Variants in SEC31A observed in about 807,000 individuals in gnomAD.
SEC31A encodes the protein SEC31 homolog A, COPII component.
A neutral mutation model predicts 151.0 loss-of-function variants in SEC31A; 70 were observed. The observed-to-expected ratio is 0.46, with a 90% CI of 0.38 to 0.57. The LOEUF (loss-of-function observed/expected upper bound fraction) is 0.57. SEC31A is among the 20% of genes least tolerant of loss of function. SEC31A has a pLI of 0.00. For synonymous variants in SEC31A, 475 were observed against 505.9 expected (o/e 0.94, Z 0.82); for missense variants, 1,330 against 1,471.2 (o/e 0.90, Z 1.57).
chr4:82,833,769 G>A (rs1243022933), intron 22 of SEC31A, among the ~76,000 whole-genome samples: 2 of 152,064 alleles, frequency 1.3e-5, no homozygotes, highest in African/African-American at 4.8e-5. Flanking sequence ...TAATTGATGA[G>A]GGAGGGAGGA....
At chr4:82,853,494 A>C in intron 18 of SEC31A, 76 bp downstream of exon 18, 1 of 1,242,664 alleles carries the variant, frequency 8.0e-7, no homozygotes, top group Non-Finnish European at 1.1e-6. Context: ...AAATGAACTT[A>C]TAGATTATAA....
At chr4:82,874,329 T>C (rs901563276) in intron 6 of SEC31A, among the ~76,000 whole-genome samples, 6 of 152,040 alleles carry the variant, frequency 3.9e-5, no homozygotes, top group African/African-American at 1.4e-4. Flanking sequence ...GCTGCAATGT[T>C]TTAAAACAGC....
At chr4:82,871,289 T>A in intron 7 of SEC31A, 1 of 1,383,980 alleles carries the variant, frequency 7.2e-7, no homozygotes, top group East Asian at 2.7e-5. Flanking sequence ...TGTATAAAAA[T>A]TATATTGGGA....
intron 4 of SEC31A, among the ~76,000 whole-genome samples, chr4:82,878,328 T>C (rs528185747): frequency 3.8e-4 from 58 of 152,048 alleles, no homozygotes; most frequent in Middle Eastern, 3.4e-3. Context: ...ACCCCATCTC[T>C]ACTAAAAGTA....
At chr4:82,858,133 C>A (rs1359750861) in intron 14 of SEC31A, 3 of 173,142 alleles carry the variant, frequency 1.7e-5, no homozygotes, top group Non-Finnish European at 3.7e-5. Context: ...ACAAAACTAG[C>A]CGGGCATGGT....
chr4:82,879,017 T>C lies in SEC31A; in HGVS notation c.204-89A>G, dbSNP rs1047674697. 1.7e-5 allele frequency: 17 copies of C among 972,038 alleles called. 1 individual carries two copies. Among genetic ancestry groups the C allele is most frequent in the Non-Finnish European group, 1.6e-6 (1 of 642,358 alleles). The allele number at this position is 972,038 out of a possible 1,614,324, so 60.2% of individuals were successfully genotyped here. Reference sequence around the variant, plus strand: ...AAATTATACACTTAATTTTTAATGTTTTCATAAACAATCCAAATATATTAC... The same window carrying C: ...AAATTATACACTTAATTTTTAATGTCTTCATAAACAATCCAAATATATTAC... On this transcript the variant is annotated intron_variant, in intron 3 of 26. Coordinates refer to ENST00000395310, the MANE Select transcript of SEC31A (RefSeq NM_001077207.4).
At chr4:82,886,190 GAA>G (rs1740674802) in intron 1 of SEC31A, among the ~76,000 whole-genome samples, 1 of 152,180 alleles carries the variant, frequency 6.6e-6, no homozygotes, top group Admixed American at 6.5e-5. Flanking sequence ...TGATGAAACT[GAA>G]GAAATGCATT....
chr4:82,898,232 G>A (rs1331080441), intron 3 of SEC31A, among the ~76,000 whole-genome samples: 1 of 152,050 alleles, frequency 6.6e-6, no homozygotes, highest in Admixed American at 6.6e-5. Flanking sequence ...GAAGTTACTA[G>A]AAGAAGCAAT....
At chr4:82,838,710 A>C (rs73829991) in intron 22 of SEC31A, among the ~76,000 whole-genome samples, 12 of 152,376 alleles carry the variant, frequency 7.9e-5, no homozygotes, top group African/African-American at 2.6e-4. Flanking sequence ...CTTCACTAGA[A>C]ATGTATGGTC....
chr4:82,824,563 T>C lies in SEC31A; in HGVS notation c.3403A>G (p.Thr1135Ala), dbSNP rs538212768. 1 of 1,613,550 alleles carries C rather than the reference T, an allele frequency of 6.2e-7. No homozygotes were observed. The highest frequency in any genetic ancestry group is 1.3e-5 in the African/African-American group (1 of 75,020). Reference sequence around the variant, plus strand: ...AAAAAATAAATACATACAGGGTCTGTTGCTGAAGAAAGGCAGCGCTGAATA... The same window carrying C: ...AAAAAATAAATACATACAGGGTCTGCTGCTGAAGAAAGGCAGCGCTGAATA... Reference protein sequence around the residue: ...DLIQRCLSSATDPQTKRKLDD... With the variant: ...DLIQRCLSSAADPQTKRKLDD... The change falls in exon 25 of 27, where the codon ACA (threonine) becomes GCA (alanine). Residue 1135 changes from threonine to alanine, a missense_variant. Transcript: ENST00000395310.
chr4:82,863,363 T>A lies in SEC31A; in HGVS notation c.1464A>T (p.Lys488Asn), dbSNP rs777558535. Reference protein sequence around the residue: ...KVNFEDDSRGKYLELLGYRKE... With the variant: ...KVNFEDDSRGNYLELLGYRKE... ...TTCTGTATCCTAGAAGTTCAAGGTA[T>A]TTTCCACGAGAATCATCCTCAAAGT... The change falls in exon 12 of 27, where the codon AAA (lysine) becomes AAT (asparagine). Residue 488 changes from lysine to asparagine, a missense_variant. Physicochemically the swap from Lys to Asn is moderately conservative, Grantham distance 94 (BLOSUM62 0). Coordinates refer to ENST00000395310, the MANE Select transcript of SEC31A (RefSeq NM_001077207.4). 6 of 1,581,040 alleles carry A rather than the reference T, an allele frequency of 3.8e-6. No individual in the cohort carries two copies. Among genetic ancestry groups the A allele is most frequent in the Non-Finnish European group, 5.1e-6 (6 of 1,169,148 alleles).
intron 22 of SEC31A, among the ~76,000 whole-genome samples, chr4:82,829,993 T>C (rs1351180746): frequency 1.3e-5 from 2 of 152,240 alleles, no homozygotes; most frequent in Admixed American, 6.5e-5. Context: ...TGTATGTATA[T>C]ATGTAAAGAC....
At chr4:82,852,059 G>A (rs1341888530) in intron 18 of SEC31A, among the ~76,000 whole-genome samples, 1 of 152,162 alleles carries the variant, frequency 6.6e-6, no homozygotes, top group Non-Finnish European at 1.5e-5. Context: ...CCAGTGGGAG[G>A]TAATTGAATC....
At chr4:82,846,417 T>G (rs1730235403) in intron 20 of SEC31A, among the ~76,000 whole-genome samples, 1 of 117,924 alleles carries the variant, frequency 8.5e-6, no homozygotes, top group Non-Finnish European at 1.8e-5. Context: ...AATTGACTCT[T>G]GAATAACATG....
chr4:82,893,067 G>A (rs1394147887), upstream of SEC31A: 1 of 152,168 alleles, frequency 6.6e-6, no homozygotes, highest in East Asian at 1.9e-4. Flanking sequence ...ATAGCACAAA[G>A]ATATTCTAGG....
chr4:82,872,256 C>A (rs1395990089), intron 6 of SEC31A, among the ~76,000 whole-genome samples, 170 bp from the exon 7 acceptor site: 1 of 152,174 alleles, frequency 6.6e-6, no homozygotes, highest in Non-Finnish European at 1.5e-5. Flanking sequence ...AGCGCCATCT[C>A]AGCTCACTGC....
chr4:82,863,231 G>T, intron 12 of SEC31A, 87 bp downstream of exon 12: 1 of 772,586 alleles, frequency 1.3e-6, no homozygotes, highest in Non-Finnish European at 2.1e-6. Context: ...ATGTTTATTG[G>T]GTGATTTGAG....
At chr4:82,889,722 A>C (rs1016459314) in intron 1 of SEC31A, among the ~76,000 whole-genome samples, 1 of 152,194 alleles carries the variant, frequency 6.6e-6, no homozygotes, top group African/African-American at 2.4e-5. Context: ...GGTTTCAATA[A>C]AGAATTTGCT....
At chr4:82,877,367 C>T (rs1158701293) in intron 4 of SEC31A, 1 of 130,120 alleles carries the variant, frequency 7.7e-6, no homozygotes, top group Non-Finnish European at 1.6e-5. Context: ...AATCTAGTAT[C>T]CTATTAACTC....
Sources: gnomAD v4.1 joint callset for allele counts (sites outside exome capture counted in the v4.1 genomes callset) on GRCh38, gnomAD v4.1.1 for gene constraint, MANE v1.5 for transcripts, NCBI Gene and HGNC (gene_info 2026-07-23, HGNC 2026-07-21) for gene names.